Variants in USP13 observed in about 807,000 individuals in gnomAD.
The protein encoded by USP13 is ubiquitin carboxyl-terminal hydrolase 13.
USP13 carries 68 observed loss-of-function variants against 107.8 expected under a neutral mutation model. The ratio of observed to expected loss-of-function variants is 0.63; its 90% CI spans 0.52 to 0.77. The LOEUF is 0.77. Ranked by LOEUF, USP13 falls within the 30% of genes least tolerant of loss-of-function variation. The probability of loss-of-function intolerance (pLI) is 0.00; values close to 1 mark genes in which losing one functional copy is unlikely to be tolerated. For synonymous variants in USP13, 377 were observed against 389.5 expected (o/e 0.97, Z 0.38); for missense variants, 945 against 1,093.3 (o/e 0.86, Z 1.91).
rs1033726664 is a variant in USP13, at chr3:179,786,871, C to T, written c.*2730C>T. On this transcript the variant is annotated 3_prime_UTR_variant, in exon 21 of 21. Coordinates refer to ENST00000263966, the MANE Select transcript of USP13 (RefSeq NM_003940.3). The stretch of plus-strand genomic sequence containing the variant: ...GTGTCTGTGTGAAAGACAGCACTTT[C>T]TTCCTGTAAATATCTTTTGATATCC... The T allele has an allele frequency of 5.9e-5, 9 of 152,172 alleles. No homozygotes were observed. The highest frequency in any genetic ancestry group is 1.2e-4 in the Non-Finnish European group (8 of 68,040). The allele number at this position is 152,172 out of a possible 1,614,324, so 9.4% of individuals were successfully genotyped here.
intron 1 of USP13, among the ~76,000 whole-genome samples, chr3:179,680,825 G>T (rs1711627316): frequency 1.0e-5 from 1 of 97,484 alleles, no homozygotes; most frequent in African/African-American, 3.7e-5. Context: ...ACAGGCATGA[G>T]TCACCGTGCC....
At chr3:179,676,552 A>G (rs1371688359) in intron 1 of USP13, among the ~76,000 whole-genome samples, 1 of 152,214 alleles carries the variant, frequency 6.6e-6, no homozygotes, top group East Asian at 1.9e-4. Context: ...AGTTATCCAC[A>G]TAGACTTTTT....
intron 17 of USP13, among the ~76,000 whole-genome samples, chr3:179,763,221 A>T (rs1715065982): frequency 1.3e-5 from 2 of 151,984 alleles, no homozygotes; most frequent in South Asian, 4.1e-4. Flanking sequence ...TTTAATTTTG[A>T]TGATGTCCAA....
intron 1 of USP13, among the ~76,000 whole-genome samples, chr3:179,665,384 C>T (rs189727157): frequency 2.0e-5 from 3 of 152,300 alleles, no homozygotes; most frequent in Admixed American, 1.3e-4. Context: ...CTTTTATGTA[C>T]GTCATCTCAT....
At chr3:179,752,646 C>T (rs924154483) in intron 14 of USP13, among the ~76,000 whole-genome samples, 2 of 152,176 alleles carry the variant, frequency 1.3e-5, no homozygotes, top group East Asian at 3.8e-4. Context: ...GCTTTCCAAA[C>T]TTTAATGTGC....
intron 15 of USP13, among the ~76,000 whole-genome samples, chr3:179,756,091 A>T (rs1451989348): frequency 6.6e-6 from 1 of 152,230 alleles, no homozygotes; most frequent in Non-Finnish European, 1.5e-5. Context: ...TCTGATGTTC[A>T]TAATAGAATC....
chr3:179,764,006 T>G lies in USP13; in HGVS notation c.2097T>G (p.Phe699Leu), dbSNP rs1374937665. The G allele has an allele frequency of 6.2e-7, 1 of 1,605,916 alleles. No homozygotes were observed. The highest frequency in any genetic ancestry group is 8.5e-7 in the Non-Finnish European group (1 of 1,177,660). Reference sequence around the variant, plus strand: ...GGGTGTGGTTATTTTTCTCAGATTTTGCTGAGCCGCTGACCATGCCTGGTT... The same window carrying G: ...GGGTGTGGTTATTTTTCTCAGATTTGGCTGAGCCGCTGACCATGCCTGGTT... ...WIIVHMEEPDFAEPLTMPGYG... is the reference protein window; with the variant it reads ...WIIVHMEEPDLAEPLTMPGYG... Residue 699 changes from phenylalanine (F) to leucine (L), a missense_variant, in exon 18 of 21, where the codon TTT (phenylalanine) becomes TTG (leucine). Transcript: ENST00000263966.
chr3:179,734,525 T>C lies in USP13; in HGVS notation c.1254+3816T>C, dbSNP rs1421572503. 2.6e-5 allele frequency among the ~76,000 whole-genome samples: 4 copies of C among 152,368 alleles called. No homozygotes were observed. In the East Asian group the frequency reaches 7.7e-4, roughly 29 times the overall value. ...ACACATACTTGCTGGTCTCAACTTT[T>C]CATCAACGTGAGATAACCAGTGTTC... On this transcript the variant is annotated intron_variant, in intron 10 of 20. Transcript: ENST00000263966.
chr3:179,756,470 G>A (rs937326080), intron 15 of USP13, among the ~76,000 whole-genome samples: 3 of 152,282 alleles, frequency 2.0e-5, no homozygotes, highest in Admixed American at 6.5e-5. Flanking sequence ...GAGGCTGGGC[G>A]CAGTGGTGCA....
At chr3:179,730,303 C>T (rs1168736296) in intron 9 of USP13, 43 bp downstream of exon 9, 1 of 1,584,658 alleles carries the variant, frequency 6.3e-7, no homozygotes, top group African/African-American at 1.4e-5. Context: ...GAAAAAGCAT[C>T]CAATAAAATG....
chr3:179,680,987 AT>A (rs1711634301), intron 1 of USP13, among the ~76,000 whole-genome samples: 1 of 151,606 alleles, frequency 6.6e-6, no homozygotes, highest in African/African-American at 2.4e-5. Flanking sequence ...CGATAATAAA[AT>A]ATCACAGTGA....
Position 179,765,690 on chromosome 3 carries a change from G to T in USP13, c.2260-5G>T, listed in dbSNP as rs1474528388. 6.2e-7 allele frequency: 1 copy of T among 1,612,878 alleles called. No homozygotes were observed. The highest frequency in any genetic ancestry group is 1.1e-5 in the South Asian group (1 of 90,930). On this transcript the variant is annotated splice_region_variant and splice_polypyrimidine_tract_variant and intron_variant, in intron 18 of 20. Coordinates refer to ENST00000263966, the MANE Select transcript of USP13 (RefSeq NM_003940.3). ...TAAAAACATCTGTTTCTTTTTTGTT[G>T]TTAGAATAATAACCTGGAAAGAGCA...
intron 8 of USP13, among the ~76,000 whole-genome samples, chr3:179,729,561 T>A (rs1223741670): frequency 6.6e-6 from 1 of 152,196 alleles, no homozygotes; most frequent in African/African-American, 2.4e-5. Flanking sequence ...AACCTCCACC[T>A]CCAGGGTTCA....
At chr3:179,660,289 C>T (rs551361178) in intron 1 of USP13, among the ~76,000 whole-genome samples, 6 of 152,326 alleles carry the variant, frequency 3.9e-5, no homozygotes, top group South Asian at 2.1e-4. Flanking sequence ...CCACTTCTCC[C>T]TTCTCCTAGC....
At chr3:179,674,012 C>A (rs1286849989) in intron 1 of USP13, among the ~76,000 whole-genome samples, 1 of 152,220 alleles carries the variant, frequency 6.6e-6, no homozygotes, top group Non-Finnish European at 1.5e-5. Context: ...CCTGCCTCAG[C>A]CTTCCTGAGT....
At chr3:179,682,394 A>G (rs1711694919) in intron 2 of USP13, among the ~76,000 whole-genome samples, 1 of 150,558 alleles carries the variant, frequency 6.6e-6, no homozygotes, top group Admixed American at 6.6e-5. Flanking sequence ...AGCTTCCTTA[A>G]AAATTCAAGT....
At position 179,728,203 on chromosome 3, in the gene USP13, A is replaced by AC. The variant is rs1263992882; in HGVS notation, c.1089-1979dup. Among the ~76,000 whole-genome samples the AC allele has an allele frequency of 2.1e-4, 26 of 125,974 alleles. 1 individual carries two copies. In the East Asian group the frequency reaches 2.2e-3, roughly 11 times the overall value. The allele number at this position is 125,974 out of a possible 152,430, so 82.6% of individuals were successfully genotyped here. On this transcript the variant is annotated intron_variant, in intron 8 of 20. Coordinates refer to ENST00000263966, the MANE Select transcript of USP13 (RefSeq NM_003940.3). ...GGGCGGCTGGCCTGGCGGGGGGCTGACCCCCCCACCTCCCTGCCAGACGAG... is the reference window on the plus strand; with the variant it reads ...GGGCGGCTGGCCTGGCGGGGGGCTGACCCCCCCCACCTCCCTGCCAGACGAG...
At chr3:179,691,213 A>G (rs867094419) in intron 3 of USP13, among the ~76,000 whole-genome samples, 14 of 151,840 alleles carry the variant, frequency 9.2e-5, no homozygotes, top group African/African-American at 3.1e-4. Context: ...TTTATTTCTA[A>G]AATTAGCCAA....
chr3:179,702,236 G>A (rs1434101479), intron 4 of USP13, among the ~76,000 whole-genome samples: 6 of 152,086 alleles, frequency 3.9e-5, no homozygotes, highest in Non-Finnish European at 5.9e-5. Context: ...AGCCAGGATG[G>A]TCTCGATCTC....
Sources: allele counts gnomAD v4.1 joint callset (sites outside exome capture counted in the v4.1 genomes callset), GRCh38; gene constraint gnomAD v4.1.1; transcripts MANE v1.5; gene names NCBI Gene and HGNC (gene_info 2026-07-23, HGNC 2026-07-21).